UBXN11: variants seen among roughly 807,000 people sequenced by gnomAD.
The protein encoded by UBXN11 is UBX domain-containing protein 11.
In UBXN11, 47 loss-of-function variants were observed where a neutral mutation model predicts 62.8. That is an observed-to-expected ratio of 0.75 (90% CI 0.59 to 0.95). The LOEUF (loss-of-function observed/expected upper bound fraction) is 0.95. Ranked by LOEUF, UBXN11 falls within the 40% of genes least tolerant of loss-of-function variation. UBXN11 has a pLI of 0.00. For missense variants in UBXN11, 638 were observed against 661.7 expected (o/e 0.96, Z 0.39); for synonymous variants, 294 against 267.0 (o/e 1.10, Z -0.99).
rs1255179530 is a variant in UBXN11, at chr1:26,283,614, AGGGTGGT to A, written c.1077+521_1077+527del. ...GGAGAGACACTCTGAACCCTAGACTAGGGTGGTGGGTGGTGGGAATGTGGAGAAGGGA... is the reference window on the plus strand; with the variant it reads ...GGAGAGACACTCTGAACCCTAGACTAGGGTGGTGGGAATGTGGAGAAGGGA... On this transcript the variant is annotated intron_variant, in intron 12 of 14. Transcript: ENST00000374222. Among the ~76,000 whole-genome samples the A allele has an allele frequency of 1.5e-4, 23 of 152,202 alleles. No homozygotes were observed. The South Asian group carries it at 4.8e-3, about 32-fold the overall frequency.
chr1:26,310,398 T>A (rs6686748), upstream of UBXN11, among the ~76,000 whole-genome samples: 22,199 of 151,692 alleles, frequency 0.15, 1,844 homozygotes, highest in African/African-American at 0.21. Context: ...ATCAGCCAGG[T>A]GTGGTGGCAT....
intron 1 of UBXN11, among the ~76,000 whole-genome samples, chr1:26,304,658 CAGA>C (rs1260576921): frequency 4.6e-5 from 7 of 152,230 alleles, no homozygotes; most frequent in Middle Eastern, 3.4e-3. Context: ...GAGGCCGAGG[CAGA>C]AGAATTGCTT....
chr1:26,292,854 C>CA lies in UBXN11; in HGVS notation c.559+1350dup, dbSNP rs370806583. On this transcript the variant is annotated intron_variant, in intron 8 of 14. Transcript: ENST00000374222. ...GGGCAACAAGAGCAAGACTCCATCT[C>CA]AAAAAAAAAAAGAAAGCTGCAAATG... 7.5e-3 allele frequency among the ~76,000 whole-genome samples: 1,027 copies of CA among 137,320 alleles called. 10 individuals carry two copies. The highest frequency in any genetic ancestry group is 0.023 in the African/African-American group (865 of 37,360). The allele number at this position is 137,320 out of a possible 152,430, so 90.1% of individuals were successfully genotyped here. A position where few individuals can be genotyped will look rare whatever the true frequency, so the allele number is the denominator to read the frequency against.
upstream of UBXN11, among the ~76,000 whole-genome samples, chr1:26,311,463 A>C (rs2073743983): frequency 6.7e-6 from 1 of 148,196 alleles, no homozygotes; most frequent in African/African-American, 2.5e-5. Flanking sequence ...TTTTTTTGAG[A>C]TGGAGTCTCA....
rs796372349 is a variant in UBXN11, at chr1:26,297,448, G to A, written c.334C>T (p.Gln112Ter). ...CTACCTGGGTGTGGCCGGAGGGTCT[G>A]CACCAGGTCCTCTAGGGCCGCTATC... ...QKIAALEDLV[Q>*]TLRPHPAEAT... is the part of the protein sequence containing the mutation. Residue 112 changes from glutamine to a stop codon, truncating the protein, a stop_gained, in exon 6 of 15, where the codon CAG (glutamine) becomes TAG (stop). Coordinates refer to ENST00000374222, the MANE Select transcript of UBXN11 (RefSeq NM_001389556.1). LOFTEE classifies it high-confidence loss of function. 3.7e-5 allele frequency: 58 copies of A among 1,555,356 alleles called. No individual in the cohort carries two copies. Among genetic ancestry groups the A allele is most frequent in the Non-Finnish European group, 4.9e-5 (56 of 1,149,178 alleles).
chr1:26,297,778 C>T (rs1419955783), intron 5 of UBXN11, among the ~76,000 whole-genome samples, 184 bp downstream of exon 5: 3 of 152,188 alleles, frequency 2.0e-5, no homozygotes, highest in African/African-American at 7.2e-5. Context: ...GGAAGACCCC[C>T]CAGCCTCTCG....
rs977592395 is a variant in UBXN11 at position 26,297,476 on chromosome 1, C to T, written c.306G>A (p.Gln102=). ...AQTDEILSKD[Q]KIAALEDLVQ... is the part of the protein sequence containing the mutation. ...CCAGGTCCTCTAGGGCCGCTATCTT[C>T]TGATCCTGTAGCATAAGACACAGGG... is the stretch of plus-strand genomic sequence containing the variant. The change falls in exon 6 of 15, where the codon CAG becomes CAA. Residue 102 remains glutamine, a synonymous_variant. Coordinates refer to ENST00000374222, the MANE Select transcript of UBXN11 (RefSeq NM_001389556.1). 1.9e-6 allele frequency: 3 copies of T among 1,555,894 alleles called. No individual in the cohort carries two copies. Among genetic ancestry groups the T allele is most frequent in the African/African-American group, 2.7e-5 (2 of 73,176 alleles).
chr1:26,300,809 A>C, intron 4 of UBXN11, 117 bp downstream of exon 4: 31 of 1,500,894 alleles, frequency 2.1e-5, no homozygotes, highest in Non-Finnish European at 2.4e-5. Flanking sequence ...CAGGAGTGGA[A>C]GCAGCTGCCT....
chr1:26,290,009 C>G (rs1570096735), intron 8 of UBXN11, among the ~76,000 whole-genome samples: 1 of 152,362 alleles, frequency 6.6e-6, no homozygotes, highest in East Asian at 1.9e-4. Context: ...ACTCAACCAG[C>G]CTGTGGACTG....
chr1:26,293,210 G>C (rs1483629396), intron 8 of UBXN11, among the ~76,000 whole-genome samples: 1 of 152,184 alleles, frequency 6.6e-6, no homozygotes, highest in African/African-American at 2.4e-5. Flanking sequence ...GAAGTGAATA[G>C]AGGTCATCTG....
intron 10 of UBXN11, chr1:26,284,789 C>T: frequency 4.4e-6 from 5 of 1,141,838 alleles, no homozygotes; most frequent in South Asian, 3.3e-5. Context: ...GAGGACAAAG[C>T]CCCTGCTTTT....
chr1:26,282,469 C>T lies in UBXN11; in HGVS notation c.1393G>A (p.Ala465Thr), dbSNP rs1377647725. ...TLQAAGLVPKAALLLRARRAP... is the reference protein window; with the variant it reads ...TLQAAGLVPKTALLLRARRAP... Reference sequence around the variant, plus strand: ...CGGCGTGCCCGCAGCAGCAGTGCTGCTTTGGGCACAAGGCCTGCAGCCTGC... The same window carrying T: ...CGGCGTGCCCGCAGCAGCAGTGCTGTTTTGGGCACAAGGCCTGCAGCCTGC... Residue 465 changes from alanine to threonine, a missense_variant, in exon 15 of 15, where the codon GCA becomes ACA. Transcript: ENST00000374222. The T allele has an allele frequency of 6.2e-7, 1 of 1,609,408 alleles. No individual in the cohort carries two copies. The highest frequency in any genetic ancestry group is 2.3e-5 in the East Asian group (1 of 44,124).
chr1:26,299,633 T>G (rs975972771), intron 4 of UBXN11, among the ~76,000 whole-genome samples: 1 of 150,772 alleles, frequency 6.6e-6, no homozygotes, highest in Non-Finnish European at 1.5e-5. Context: ...AAGAGCTTGG[T>G]GGAGGTCCTG....
chr1:26,293,393 G>A (rs2073316312), intron 8 of UBXN11, among the ~76,000 whole-genome samples: 1 of 151,978 alleles, frequency 6.6e-6, no homozygotes, highest in Admixed American at 6.6e-5. Flanking sequence ...CTATAGGAGG[G>A]GACTGTGGGA....
chr1:26,286,457 GTTCAAATC>G (rs972783012), intron 8 of UBXN11, among the ~76,000 whole-genome samples: 2 of 152,192 alleles, frequency 1.3e-5, no homozygotes, highest in African/African-American at 4.8e-5. Context: ...GGCCTTCTGG[GTTCAAATC>G]CCAGTTCCTC....
At chr1:26,292,144 C>G (rs1483578503) in intron 8 of UBXN11, among the ~76,000 whole-genome samples, 1 of 152,212 alleles carries the variant, frequency 6.6e-6, no homozygotes, top group Non-Finnish European at 1.5e-5. Flanking sequence ...CCTCTTCCCT[C>G]AATAATGAGT....
Position 26,282,949 on chromosome 1 carries a change from C to T in UBXN11, c.1078-12G>A. The T allele has an allele frequency of 6.2e-7, 1 of 1,614,164 alleles. No individual in the cohort carries two copies. Among genetic ancestry groups the T allele is most frequent in the Non-Finnish European group, 8.5e-7 (1 of 1,180,028 alleles). On this transcript the variant is annotated splice_polypyrimidine_tract_variant and intron_variant, in intron 12 of 14. Transcript: ENST00000374222. ...AATGGGCAGCAGTTCTGGAAGGTAT[C>T]AGTGGAGGGTGGACAGAGCCCTAGG...
intron 1 of UBXN11, among the ~76,000 whole-genome samples, chr1:26,311,731 G>A (rs11247908): frequency 0.15 from 22,595 of 152,162 alleles, 1,838 homozygotes; most frequent in Middle Eastern, 0.2. Flanking sequence ...ATGACCCACC[G>A]CACCCAGCCA....
intron 1 of UBXN11, among the ~76,000 whole-genome samples, chr1:26,314,129 G>A (rs1283659029): frequency 6.6e-6 from 1 of 152,042 alleles, no homozygotes; most frequent in Non-Finnish European, 1.5e-5. Flanking sequence ...CTGCTCAGAG[G>A]GCAGAAGAGG....
Sources: gnomAD v4.1 joint callset for allele counts (sites outside exome capture counted in the v4.1 genomes callset) on GRCh38, gnomAD v4.1.1 for gene constraint, MANE v1.5 for transcripts, NCBI Gene and HGNC (gene_info 2026-07-23, HGNC 2026-07-21) for gene names.